Variants in OASL observed in about 807,000 individuals in gnomAD.
OASL encodes the protein 2'-5'-oligoadenylate synthetase like.
In OASL, 28 loss-of-function variants were observed where a neutral mutation model predicts 35.3. That is an observed-to-expected ratio of 0.79 (90% CI 0.59 to 1.09). OASL has a LOEUF of 1.09. Ranked by LOEUF, OASL falls within the 50% of genes least tolerant of loss-of-function variation. OASL has a pLI of 0.00. For synonymous variants in OASL, 252 were observed against 254.6 expected, an observed-to-expected ratio of 0.99 and a Z score of 0.10; for missense variants, 620 against 635.2, an observed-to-expected ratio of 0.98 and a Z score of 0.26.
At chr12:121,021,016 G>A in exon 6 of OASL, 5 of 1,610,162 alleles carry the variant, frequency 3.1e-6, no homozygotes, top group Non-Finnish European at 4.2e-6. Flanking sequence ...TTGAAATCTG[G>A]GTAACCCCTC....
intron 1 of OASL, among the ~76,000 whole-genome samples, chr12:121,033,944 A>G (rs1212638457): frequency 2.6e-5 from 4 of 152,216 alleles, no homozygotes; most frequent in Non-Finnish European, 5.9e-5. Context: ...GAAATGGGGC[A>G]GCCTGAAAAA....
At chr12:121,033,813 C>T in intron 1 of OASL, 70 bp from the exon 2 acceptor site, 1 of 1,517,616 alleles carries the variant, frequency 6.6e-7, no homozygotes, top group Non-Finnish European at 9.0e-7. Flanking sequence ...CGGCACTTCA[C>T]ATGCACTGTC....
Position 121,033,441 on chromosome 12 carries a change from T to G in OASL, c.481+20A>C, listed in dbSNP as rs1381805346. On this transcript the variant is annotated intron_variant, in intron 2 of 5. Transcript: ENST00000257570. ...GGGGTGGGCAAGTGTGTGAGTCGGG[T>G]GAGCTTCCCCTCCCCTTACCCAGGG... The G allele has an allele frequency of 9.4e-6, 15 of 1,600,056 alleles. No individual in the cohort carries two copies. The South Asian group carries it at 1.7e-4, about 18-fold the overall frequency.
rs768266698 is a variant in OASL at position 121,023,287 on chromosome 12, C to CTTTTTTT, written c.1047+696_1047+702dup. 5.7e-5 allele frequency among the ~76,000 whole-genome samples: 7 copies of CTTTTTTT among 123,264 alleles called. 1 individual carries two copies. The highest frequency in any genetic ancestry group is 2.3e-4 in the East Asian group (1 of 4,378). The allele number at this position is 123,264 out of a possible 152,430, so 80.9% of individuals were successfully genotyped here. ...AGTGAGGGTGGTGTCTTTTTTTTTT[C>CTTTTTTT]TTTTTTTCTTTTTTTTTTGAGGCAG... is the stretch of plus-strand genomic sequence containing the variant. On this transcript the variant is annotated intron_variant, in intron 5 of 5. Coordinates refer to ENST00000257570, the Ensembl canonical transcript of OASL.
At chr12:121,024,489 G>A (rs901192158) in intron 4 of OASL, among the ~76,000 whole-genome samples, 9 of 152,050 alleles carry the variant, frequency 5.9e-5, no homozygotes, top group East Asian at 3.9e-4. Flanking sequence ...GTGGTGGTAC[G>A]CACCTGTCAT....
intron 5 of OASL, among the ~76,000 whole-genome samples, chr12:121,022,313 T>C (rs949720873): frequency 2.0e-5 from 3 of 152,102 alleles, no homozygotes; most frequent in African/African-American, 7.2e-5. Flanking sequence ...TTTCGATCTC[T>C]TGACCTCGTG....
chr12:121,022,620 A>C (rs1367645241), intron 5 of OASL, among the ~76,000 whole-genome samples: 1 of 152,122 alleles, frequency 6.6e-6, no homozygotes. Context: ...TTTATACTCT[A>C]TGTACCTTAC....
chr12:121,038,924 G>A (rs1208645949), exon 1 of OASL: 1 of 1,614,206 alleles, frequency 6.2e-7, no homozygotes, highest in Non-Finnish European at 8.5e-7. Flanking sequence ...CCACGAAGGA[G>A]TCCAGCCTGG....
At chr12:121,023,716 G>T in intron 5 of OASL, 1 of 335,494 alleles carries the variant, frequency 3.0e-6, no homozygotes, top group Non-Finnish European at 5.7e-6. Context: ...CCCAACTCAC[G>T]CAAAGAATGA....
At chr12:121,037,770 CAAAA>C (rs35053672) in intron 1 of OASL, among the ~76,000 whole-genome samples, 1 of 133,698 alleles carries the variant, frequency 7.5e-6, no homozygotes, top group Non-Finnish European at 1.6e-5. Context: ...GACTCTGTCT[CAAAA>C]AAAAAAAAAC....
intron 4 of OASL, among the ~76,000 whole-genome samples, chr12:121,026,615 G>A (rs1462525717): frequency 6.6e-6 from 1 of 152,212 alleles, no homozygotes; most frequent in Non-Finnish European, 1.5e-5. Context: ...ACTTTGGGAG[G>A]CCAAGGCAGG....
In OASL at chr12:121,033,437, C is replaced by T. The variant is rs181628128; in HGVS notation, c.481+24G>A. The T allele has an allele frequency of 1.9e-5, 31 of 1,599,310 alleles. No homozygotes were observed. The Middle Eastern group carries it at 6.7e-4, about 34-fold the overall frequency. On this transcript the variant is annotated intron_variant, in intron 2 of 5. Transcript: ENST00000257570. ...TCCTGGGGTGGGCAAGTGTGTGAGT[C>T]GGGTGAGCTTCCCCTCCCCTTACCC...
chr12:121,031,642 G>A (rs1395706817), intron 2 of OASL, 25 bp from the exon 3 acceptor site: 2 of 1,601,898 alleles, frequency 1.2e-6, no homozygotes, highest in Non-Finnish European at 1.7e-6. Context: ...AGCAAAGGAA[G>A]AGATTGGGGA....
intron 5 of OASL, among the ~76,000 whole-genome samples, chr12:121,023,224 G>A (rs1869318124): frequency 6.6e-6 from 1 of 151,320 alleles, no homozygotes; most frequent in Non-Finnish European, 1.5e-5. Flanking sequence ...TTTGTTTCAT[G>A]GATTTGCTTC....
intron 5 of OASL, among the ~76,000 whole-genome samples, chr12:121,021,660 A>T (rs1869241506): frequency 6.6e-6 from 1 of 152,074 alleles, no homozygotes. Flanking sequence ...AAAATGCAAA[A>T]ATTAGCCGGG....
At position 121,038,867 on chromosome 12, in the gene OASL, G is replaced by GTA; in HGVS notation, c.104_105insTA (p.Ala36ThrfsTer10). ...GAAACTCCTCCACGGTCCGCACAGC[G>GTA]TCTAGCACCTCTTCCTTCCACTCCC... On this transcript the variant is annotated frameshift_variant, in exon 1 of 6. Coordinates refer to ENST00000257570, the Ensembl canonical transcript of OASL. LOFTEE classifies it high-confidence loss of function. The GTA allele has an allele frequency of 6.2e-7, 1 of 1,614,062 alleles. No homozygotes were observed. The highest frequency in any genetic ancestry group is 1.7e-4 in the Middle Eastern group (1 of 6,060).
intron 5 of OASL, among the ~76,000 whole-genome samples, chr12:121,022,982 A>T (rs1198279501): frequency 6.6e-6 from 1 of 152,170 alleles, no homozygotes; most frequent in Admixed American, 6.5e-5. Flanking sequence ...AAAGATAGTG[A>T]TAACACTCGA....
exon 6 of OASL, chr12:121,020,296 G>A (rs1407562582): frequency 2.9e-5 from 10 of 339,940 alleles, no homozygotes; most frequent in African/African-American, 2.2e-4. Context: ...ACCACACCCA[G>A]TGAATTATTT....
At chr12:121,024,284 G>A (rs916146497) in intron 4 of OASL, 147 bp from the exon 5 acceptor site, 6 of 779,654 alleles carry the variant, frequency 7.7e-6, no homozygotes, top group South Asian at 1.8e-5. Flanking sequence ...CCAAAACACC[G>A]CAGGAGAGTA....
Sources: allele counts gnomAD v4.1 joint callset (sites outside exome capture counted in the v4.1 genomes callset), GRCh38; gene constraint gnomAD v4.1.1; transcripts MANE v1.5; gene names NCBI Gene and HGNC (gene_info 2026-07-23, HGNC 2026-07-21).